PAK2: variants seen among roughly 807,000 people sequenced by gnomAD.
PAK2 encodes p21 (RAC1) activated kinase 2, also known as serine/threonine-protein kinase PAK 2.
Under a neutral mutation model 65.9 loss-of-function variants are expected in PAK2, and 21 were observed. The ratio of observed to expected loss-of-function variants is 0.32; its 90% CI spans 0.23 to 0.46. PAK2 has a LOEUF of 0.46. Ranked by LOEUF, PAK2 falls within the 20% of genes least tolerant of loss-of-function variation. The probability of loss-of-function intolerance (pLI) is 1.00; values close to 1 mark genes in which losing one functional copy is unlikely to be tolerated. For synonymous variants in PAK2, 204 were observed against 219.7 expected (o/e 0.93, Z 0.63); for missense variants, 324 against 642.6 (o/e 0.50, Z 5.36).
At chr3:196,813,801 T>C (rs1220590593) in intron 10 of PAK2, among the ~76,000 whole-genome samples, 1 of 151,666 alleles carries the variant, frequency 6.6e-6, no homozygotes, top group Non-Finnish European at 1.5e-5. Flanking sequence ...AATACAAAAA[T>C]TAGCTGGGCA....
At chr3:196,751,663 T>TATATATATATATATATATATATATATATA (rs1713589849) in intron 1 of PAK2, among the ~76,000 whole-genome samples, 4 of 45,716 alleles carry the variant, frequency 8.7e-5, no homozygotes, top group African/African-American at 3.4e-4. Context: ...ACACACAAAT[T>TATATATATATATATATATATATATATATA]TATTTATATA....
chr3:196,789,620 G>A (rs1280452227), intron 2 of PAK2, among the ~76,000 whole-genome samples: 28 of 151,982 alleles, frequency 1.8e-4, no homozygotes, highest in Middle Eastern at 3.4e-3. Flanking sequence ...ACGCCACCAC[G>A]CCCAGCTAAT....
intron 1 of PAK2, among the ~76,000 whole-genome samples, chr3:196,769,591 C>T (rs1191413011): frequency 1.3e-5 from 2 of 151,220 alleles, no homozygotes; most frequent in African/African-American, 4.9e-5. Flanking sequence ...GCGGGCGGAT[C>T]ACGAGGTCAG....
intron 2 of PAK2, among the ~76,000 whole-genome samples, chr3:196,793,794 A>G (rs189182522): frequency 1.3e-5 from 2 of 152,298 alleles, no homozygotes; most frequent in Non-Finnish European, 2.9e-5. Flanking sequence ...AATTACCAAA[A>G]CAAACAAAAG....
intron 1 of PAK2, among the ~76,000 whole-genome samples, chr3:196,751,784 C>A (rs1713611614): frequency 7.2e-6 from 1 of 138,448 alleles, no homozygotes; most frequent in South Asian, 2.3e-4. Context: ...CTCTTGTTGC[C>A]CAGGTTGGAG....
At chr3:196,797,130 A>C (rs778941985) in intron 2 of PAK2, among the ~76,000 whole-genome samples, 5 of 152,206 alleles carry the variant, frequency 3.3e-5, no homozygotes, top group Non-Finnish European at 7.3e-5. Context: ...AGTAGAATAT[A>C]CATTCTCTTT....
intron 1 of PAK2, among the ~76,000 whole-genome samples, chr3:196,772,085 G>A (rs968178834): frequency 6.6e-6 from 1 of 152,198 alleles, no homozygotes; most frequent in African/African-American, 2.4e-5. Flanking sequence ...TTCCATATCT[G>A]TGTTTTTCAG....
chr3:196,773,899 G>A (rs570762068), intron 1 of PAK2, among the ~76,000 whole-genome samples: 9 of 151,276 alleles, frequency 5.9e-5, no homozygotes, highest in South Asian at 2.1e-4. Context: ...TCAATTAGCC[G>A]GGCGTGGTGG....
rs758343803 is a variant in PAK2, at chr3:196,809,348, C to CTTTTT, written c.710-1227_710-1223dup. Reference sequence around the variant, plus strand: ...GCTCTTACTCTGTTATTATTATTATCTTTTTTTTTTTTTTTTTTTGAGACA... The same window carrying CTTTTT: ...GCTCTTACTCTGTTATTATTATTATCTTTTTTTTTTTTTTTTTTTTTTTTGAGACA... On this transcript the variant is annotated intron_variant, in intron 7 of 14. Transcript: ENST00000327134. Among the ~76,000 whole-genome samples the CTTTTT allele has an allele frequency of 4.4e-5, 4 of 90,714 alleles. 1 individual carries two copies. The highest frequency in any genetic ancestry group is 0.013 in the Middle Eastern group (1 of 78). 59.5% of individuals were successfully genotyped at this position (90,714 alleles called of 152,430 possible).
At chr3:196,762,663 G>C (rs1023467907) in intron 1 of PAK2, among the ~76,000 whole-genome samples, 5 of 151,784 alleles carry the variant, frequency 3.3e-5, no homozygotes, top group African/African-American at 1.2e-4. Flanking sequence ...CTCCGCATGA[G>C]AGGGAGACCG....
At chr3:196,800,145 C>T (rs1715378135) in intron 2 of PAK2, among the ~76,000 whole-genome samples, 1 of 152,178 alleles carries the variant, frequency 6.6e-6, no homozygotes, top group Non-Finnish European at 1.5e-5. Flanking sequence ...CTTTGGCAAG[C>T]CAAAGCAGAT....
intron 12 of PAK2, 28 bp downstream of exon 12, chr3:196,818,184 C>A: frequency 1.2e-6 from 1 of 837,780 alleles, no homozygotes; most frequent in Non-Finnish European, 2.0e-6. Context: ...AATTCACAAT[C>A]ATTTATTATA....
At chr3:196,762,401 G>A (rs1167003367) in intron 1 of PAK2, among the ~76,000 whole-genome samples, 5 of 145,552 alleles carry the variant, frequency 3.4e-5, no homozygotes, top group South Asian at 4.5e-4. Flanking sequence ...CTCCAGCCTG[G>A]GCACCATTGA....
intron 2 of PAK2, among the ~76,000 whole-genome samples, chr3:196,789,159 G>A (rs1006389896): frequency 6.6e-6 from 1 of 152,160 alleles, no homozygotes; most frequent in African/African-American, 2.4e-5. Context: ...AGTGAGAAAT[G>A]GCCTAACTAG....
intron 1 of PAK2, among the ~76,000 whole-genome samples, chr3:196,776,958 A>AT (rs1292865885): frequency 1.3e-5 from 2 of 152,104 alleles, no homozygotes; most frequent in Non-Finnish European, 2.9e-5. Context: ...GTAAGACAAG[A>AT]TTTTTTTCGT....
chr3:196,804,159 A>G (rs1715506475), intron 4 of PAK2, among the ~76,000 whole-genome samples: 2 of 152,204 alleles, frequency 1.3e-5, no homozygotes, highest in South Asian at 4.1e-4. Flanking sequence ...CAAAAGCAAT[A>G]TGATGGAGCT....
chr3:196,807,234 T>A (rs139975630), intron 6 of PAK2, among the ~76,000 whole-genome samples: 184 of 152,252 alleles, frequency 1.2e-3, no homozygotes, highest in African/African-American at 4.3e-3. Flanking sequence ...GAAGGTGCTG[T>A]GCCGTGGAAT....
At chr3:196,784,301 G>A (rs1577719588) in intron 2 of PAK2, among the ~76,000 whole-genome samples, 2 of 107,378 alleles carry the variant, frequency 1.9e-5, no homozygotes, top group South Asian at 3.5e-4. Flanking sequence ...ATGTATACAT[G>A]TGCCATGCTG....
chr3:196,767,908 T>C (rs1273018709), intron 1 of PAK2, among the ~76,000 whole-genome samples: 21 of 152,110 alleles, frequency 1.4e-4, no homozygotes, highest in Admixed American at 1.4e-3. Flanking sequence ...TCTCATCATA[T>C]GGACTCTGCT....
Sources: allele counts gnomAD v4.1 joint callset (sites outside exome capture counted in the v4.1 genomes callset), GRCh38; gene constraint gnomAD v4.1.1; transcripts MANE v1.5; gene names NCBI Gene and HGNC (gene_info 2026-07-23, HGNC 2026-07-21).